The following KLHL32 variants were observed in gnomAD, a reference collection of about 807,000 sequenced individuals.
KLHL32 encodes kelch-like protein 32.
Under a neutral mutation model 64.8 loss-of-function variants are expected in KLHL32, and 35 were observed. The observed-to-expected ratio is 0.54, with a 90% CI of 0.41 to 0.72. The LOEUF (loss-of-function observed/expected upper bound fraction) is 0.72, where lower values mean the gene tolerates loss of function less well. Ranked by LOEUF, KLHL32 falls within the 30% of genes least tolerant of loss-of-function variation. The pLI is 0.00. For missense variants in KLHL32, 589 were observed against 768.5 expected (o/e 0.77, Z 2.76); for synonymous variants, 259 against 281.0 (o/e 0.92, Z 0.78).
intron 3 of KLHL32, among the ~76,000 whole-genome samples, chr6:97,003,594 A>G (rs1779311235): frequency 2.0e-5 from 3 of 152,144 alleles, no homozygotes; most frequent in African/African-American, 7.2e-5. Flanking sequence ...GGTATTTCCT[A>G]GATTATCTTC....
intron 7 of KLHL32, among the ~76,000 whole-genome samples, chr6:97,123,726 A>G (rs896864744): frequency 1.3e-5 from 2 of 152,190 alleles, no homozygotes; most frequent in Admixed American, 1.3e-4. Flanking sequence ...AAAACTGCCA[A>G]TCTATAAAAT....
intron 4 of KLHL32, among the ~76,000 whole-genome samples, chr6:97,063,685 A>T (rs1262390730): frequency 6.6e-6 from 1 of 152,176 alleles, no homozygotes; most frequent in African/African-American, 2.4e-5. Context: ...TAGTTGCCTC[A>T]CCCTGAAACT....
chr6:97,138,116 G>C (rs890568567), intron 10 of KLHL32, among the ~76,000 whole-genome samples: 23 of 152,208 alleles, frequency 1.5e-4, no homozygotes, highest in African/African-American at 4.8e-4. Context: ...CTGCAGACTT[G>C]AAAGAGCCTA....
At chr6:96,912,660 T>C in the KLHL32 span, among the ~76,000 whole-genome samples, 2 of 152,196 alleles carry the variant, frequency 1.3e-5, no homozygotes, top group African/African-American at 4.8e-5. Flanking sequence ...AAAGAAAATA[T>C]GCTTAGGACT....
At chr6:97,016,214 A>G (rs916069102) in intron 3 of KLHL32, among the ~76,000 whole-genome samples, 1 of 152,196 alleles carries the variant, frequency 6.6e-6, no homozygotes. Context: ...AGACCCCAGA[A>G]TGGCAGCTCC....
the KLHL32 span, among the ~76,000 whole-genome samples, chr6:96,919,257 T>A: frequency 6.6e-6 from 1 of 152,152 alleles, no homozygotes; most frequent in East Asian, 1.9e-4. Flanking sequence ...AATGAGGTTA[T>A]CAATAATCAA....
intron 1 of KLHL32, among the ~76,000 whole-genome samples, chr6:96,953,782 A>G (rs1381082299): frequency 7.1e-6 from 1 of 141,788 alleles, no homozygotes; most frequent in Non-Finnish European, 1.5e-5. Flanking sequence ...GACAATCTAA[A>G]TGTTATTTAT....
intron 5 of KLHL32, among the ~76,000 whole-genome samples, chr6:97,077,220 G>T (rs1484174801): frequency 6.6e-6 from 1 of 152,158 alleles, no homozygotes; most frequent in Non-Finnish European, 1.5e-5. Flanking sequence ...CCCGCAGAAG[G>T]GAAGGGCATT....
chr6:96,913,102 G>A, the KLHL32 span, among the ~76,000 whole-genome samples: 1 of 152,286 alleles, frequency 6.6e-6, no homozygotes, highest in Admixed American at 6.5e-5. Context: ...TATCAAGCAT[G>A]GGATTTGTGG....
At chr6:97,003,356 G>T (rs539880527) in intron 3 of KLHL32, among the ~76,000 whole-genome samples, 71 of 139,064 alleles carry the variant, frequency 5.1e-4, no homozygotes, top group Middle Eastern at 3.6e-3. Context: ...TTTGTTTTTT[G>T]CTTGTTAATT....
chr6:96,940,612 A>G (rs1582410784), intron 1 of KLHL32, among the ~76,000 whole-genome samples: 1 of 152,346 alleles, frequency 6.6e-6, no homozygotes, highest in South Asian at 2.1e-4. Flanking sequence ...TCCCAGAACC[A>G]TACTATAGCC....
intron 2 of KLHL32, among the ~76,000 whole-genome samples, chr6:96,969,848 G>A (rs1774918534): frequency 6.6e-6 from 1 of 152,096 alleles, no homozygotes; most frequent in Non-Finnish European, 1.5e-5. Flanking sequence ...CCAGATCCAG[G>A]AATCAAACTA....
the KLHL32 span, among the ~76,000 whole-genome samples, chr6:96,901,754 G>T: frequency 9.5e-4 from 145 of 152,102 alleles, 1 homozygote; most frequent in Middle Eastern, 0.017. Context: ...CCTCCAACAG[G>T]CTCCAGTGTT....
intron 3 of KLHL32, among the ~76,000 whole-genome samples, chr6:96,991,053 G>A (rs1406737821): frequency 1.3e-5 from 2 of 152,066 alleles, no homozygotes; most frequent in East Asian, 1.9e-4. Flanking sequence ...TTGGTGAAGC[G>A]CAGGGGGTCA....
chr6:97,084,681 G>A (rs750617597), intron 5 of KLHL32, among the ~76,000 whole-genome samples: 2 of 152,112 alleles, frequency 1.3e-5, no homozygotes, highest in African/African-American at 4.8e-5. Context: ...GAAAAAGAGC[G>A]GAGTCAGTCT....
chr6:97,090,889 A>G lies in KLHL32; in HGVS notation c.627+5548A>G, dbSNP rs1248391479. ...AGAAATACTCAGGCGATGGGCACAG[A>G]GGTGCATCCAATTAATCCTATGACT... is the stretch of plus-strand genomic sequence containing the variant. On this transcript the variant is annotated intron_variant, in intron 6 of 10. Transcript: ENST00000369261. Among the ~76,000 whole-genome samples, 6 of 152,252 alleles carry G rather than the reference A, an allele frequency of 3.9e-5. No individual in the cohort carries two copies. The East Asian group carries it at 1.2e-3, about 29-fold the overall frequency.
intron 1 of KLHL32, among the ~76,000 whole-genome samples, chr6:96,938,393 A>G (rs555777152): frequency 6.6e-6 from 1 of 152,188 alleles, no homozygotes; most frequent in Non-Finnish European, 1.5e-5. Flanking sequence ...GTACTGGGGC[A>G]GGGCTGGGCC....
At chr6:97,035,140 A>T (rs1251040004) in intron 3 of KLHL32, among the ~76,000 whole-genome samples, 1 of 152,024 alleles carries the variant, frequency 6.6e-6, no homozygotes, top group Non-Finnish European at 1.5e-5. Flanking sequence ...TATCTATTAT[A>T]AGTTTTTTTC....
intron 3 of KLHL32, among the ~76,000 whole-genome samples, chr6:96,982,053 A>G (rs1204504636): frequency 6.6e-6 from 1 of 152,072 alleles, no homozygotes; most frequent in African/African-American, 2.4e-5. Flanking sequence ...AGTTCTGTAG[A>G]TATCTGTTAG....
Sources: allele counts gnomAD v4.1 joint callset (sites outside exome capture counted in the v4.1 genomes callset), GRCh38; gene constraint gnomAD v4.1.1; transcripts MANE v1.5; gene names NCBI Gene and HGNC (gene_info 2026-07-23, HGNC 2026-07-21).